The following TENM3 variants were observed in gnomAD, a reference collection of about 807,000 sequenced individuals.
TENM3 encodes the protein teneurin transmembrane protein 3, also known as teneurin-3.
In TENM3, 63 loss-of-function variants were observed where a neutral mutation model predicts 255.1. That is an observed-to-expected ratio of 0.25 (90% CI 0.20 to 0.30). The LOEUF (loss-of-function observed/expected upper bound fraction) is 0.30, where lower values mean the gene tolerates loss of function less well. TENM3 is among the 10% of genes least tolerant of loss of function. The pLI is 1.00. For synonymous variants in TENM3, 1,306 were observed against 1,322.3 expected (o/e 0.99, Z 0.27); for missense variants, 2,929 against 3,461.1 (o/e 0.85, Z 3.86).
At chr4:182,100,356 C>T in the TENM3 span, among the ~76,000 whole-genome samples, 148 of 150,830 alleles carry the variant, frequency 9.8e-4, no homozygotes, top group African/African-American at 3.3e-3. Flanking sequence ...AATCCCAGCA[C>T]TTTGTGAGGC....
chr4:182,673,341 A>G, intron 7 of TENM3, 122 bp downstream of exon 7: 2 of 633,434 alleles, frequency 3.2e-6, no homozygotes, highest in Non-Finnish European at 2.7e-6. Context: ...GACTTTCTAC[A>G]GTAGAAAGAG....
chr4:181,983,821 T>G, the TENM3 span, among the ~76,000 whole-genome samples: 1 of 152,096 alleles, frequency 6.6e-6, no homozygotes, highest in African/African-American at 2.4e-5. Context: ...TGAATTCAGT[T>G]TTAGTATACT....
intron 19 of TENM3, among the ~76,000 whole-genome samples, chr4:182,749,983 G>GAA (rs201463686): frequency 0.15 from 7,239 of 47,156 alleles, 232 homozygotes; most frequent in Non-Finnish European, 0.19. Context: ...TTATAGAAAG[G>GAA]AAAAAAAAAA....
At chr4:182,527,797 G>A (rs1212412555) in intron 3 of TENM3, among the ~76,000 whole-genome samples, 5 of 152,050 alleles carry the variant, frequency 3.3e-5, no homozygotes, top group East Asian at 3.9e-4. Flanking sequence ...GCACAATCTC[G>A]GCTCACTGCA....
At chr4:182,458,625 A>T (rs550145935) in intron 3 of TENM3, among the ~76,000 whole-genome samples, 1 of 152,344 alleles carries the variant, frequency 6.6e-6, no homozygotes, top group Non-Finnish European at 1.5e-5. Context: ...CTTAAAAAAA[A>T]ATCAAACTAA....
chr4:182,774,180 G>C (rs899940164), intron 23 of TENM3, among the ~76,000 whole-genome samples: 1 of 151,892 alleles, frequency 6.6e-6, no homozygotes, highest in Non-Finnish European at 1.5e-5. Flanking sequence ...TTCTAAATTT[G>C]AAAAAGCCTG....
At chr4:182,545,163 A>G (rs1252278904) in intron 3 of TENM3, among the ~76,000 whole-genome samples, 2 of 152,220 alleles carry the variant, frequency 1.3e-5, no homozygotes, top group African/African-American at 4.8e-5. Context: ...TTACAGAGCT[A>G]TGAGTCTATC....
the TENM3 span, among the ~76,000 whole-genome samples, chr4:181,693,656 A>C: frequency 1.3e-5 from 2 of 152,146 alleles, no homozygotes; most frequent in Non-Finnish European, 2.9e-5. Flanking sequence ...AGAGTTCTGC[A>C]GTGGGAGTCT....
At chr4:182,108,026 T>C in the TENM3 span, among the ~76,000 whole-genome samples, 1 of 152,174 alleles carries the variant, frequency 6.6e-6, no homozygotes, top group Non-Finnish European at 1.5e-5. Flanking sequence ...GCACCTCAGA[T>C]ACTGTACTAG....
At chr4:182,688,932 C>G (rs2152576536) in intron 12 of TENM3, among the ~76,000 whole-genome samples, 1 of 152,230 alleles carries the variant, frequency 6.6e-6, no homozygotes, top group East Asian at 1.9e-4. Context: ...TATATGATGA[C>G]ATTTGTGAAC....
the TENM3 span, among the ~76,000 whole-genome samples, chr4:181,744,490 G>GT: frequency 2.0e-4 from 31 of 152,250 alleles, no homozygotes; most frequent in Admixed American, 9.8e-4. Flanking sequence ...ACCAGCATCT[G>GT]TTTTTTGGCT....
intron 1 of TENM3, among the ~76,000 whole-genome samples, chr4:182,314,865 C>T (rs1463598172): frequency 2.0e-5 from 3 of 152,122 alleles, no homozygotes; most frequent in Non-Finnish European, 4.4e-5. Context: ...TTACTACCTT[C>T]TTTTGATTAG....
the TENM3 span, among the ~76,000 whole-genome samples, chr4:182,117,535 C>T: frequency 6.6e-6 from 1 of 152,036 alleles, no homozygotes; most frequent in Non-Finnish European, 1.5e-5. Context: ...CCAGTTGTTC[C>T]AGCATTATTG....
At chr4:182,051,791 TTAGA>T in the TENM3 span, among the ~76,000 whole-genome samples, 12 of 152,186 alleles carry the variant, frequency 7.9e-5, no homozygotes, top group Non-Finnish European at 1.6e-4. Flanking sequence ...TATAACACAA[TTAGA>T]TAGTTGAAGA....
intron 3 of TENM3, among the ~76,000 whole-genome samples, chr4:182,407,471 C>A (rs1202904440): frequency 1.3e-5 from 2 of 152,148 alleles, no homozygotes; most frequent in African/African-American, 4.8e-5. Flanking sequence ...TAGTTCAGAT[C>A]TTTTAAATAA....
At chr4:182,430,953 A>C (rs1329460115) in intron 3 of TENM3, among the ~76,000 whole-genome samples, 3 of 152,074 alleles carry the variant, frequency 2.0e-5, no homozygotes, top group Non-Finnish European at 2.9e-5. Context: ...TGGAGATTGC[A>C]GTGAGCCGAG....
chr4:181,497,338 A>G, the TENM3 span, among the ~76,000 whole-genome samples: 1 of 152,162 alleles, frequency 6.6e-6, no homozygotes, highest in East Asian at 1.9e-4. Context: ...GAGCTTTGAA[A>G]GACTGTCTAC....
the TENM3 span, among the ~76,000 whole-genome samples, chr4:181,685,855 A>T: frequency 4.6e-5 from 7 of 152,160 alleles, no homozygotes; most frequent in Non-Finnish European, 8.8e-5. Context: ...CCCTATATGA[A>T]ATCCCTGCAC....
intron 7 of TENM3, among the ~76,000 whole-genome samples, chr4:182,674,397 A>G (rs1326769597): frequency 1.3e-5 from 2 of 152,082 alleles, no homozygotes; most frequent in Non-Finnish European, 2.9e-5. Flanking sequence ...TATTAATTTT[A>G]TGGCTGTGAA....
Sources: allele counts gnomAD v4.1 joint callset (sites outside exome capture counted in the v4.1 genomes callset), GRCh38; gene constraint gnomAD v4.1.1; transcripts MANE v1.5; gene names NCBI Gene and HGNC (gene_info 2026-07-23, HGNC 2026-07-21).